The following C1orf198 variants were observed in gnomAD, a reference collection of about 807,000 sequenced individuals.
C1orf198 encodes uncharacterized protein C1orf198.
In C1orf198, 17 loss-of-function variants were observed where a neutral mutation model predicts 31.4. The ratio of observed to expected loss-of-function variants is 0.54; its 90% CI spans 0.37 to 0.81. C1orf198 has a LOEUF of 0.81. Ranked by LOEUF, C1orf198 falls within the 40% of genes least tolerant of loss-of-function variation. C1orf198 has a pLI of 0.00. For missense variants in C1orf198, 401 were observed against 450.3 expected (o/e 0.89, Z 0.99); for synonymous variants, 175 against 193.8 (o/e 0.90, Z 0.81).
rs571623983 is a variant in C1orf198 at position 230,843,473 on chromosome 1, C to T, written c.808G>A (p.Ala270Thr). The T allele has an allele frequency of 7.9e-5, 127 of 1,610,860 alleles. 1 individual carries two copies. Among genetic ancestry groups the T allele is most frequent in the Middle Eastern group, 5.0e-4 (3 of 6,058 alleles). The change falls in exon 3 of 4, where the codon GCC (alanine) becomes ACC (threonine). Residue 270 changes from alanine (A) to threonine (T), a missense_variant. By Grantham distance (58) the Ala-to-Thr change is moderately conservative (BLOSUM62 0). Transcript: ENST00000366663. The surrounding 1 kb of genome is among the most constrained non-coding windows in gnomAD (Gnocchi z 4.9). Reference sequence around the variant, plus strand: ...GCCTCGTGCAGTGCACTGCTGAAGGCCTGGACAGGCTGGGGTCTCTCACGT... The same window carrying T: ...GCCTCGTGCAGTGCACTGCTGAAGGTCTGGACAGGCTGGGGTCTCTCACGT... ...TERERPQPVQ[A>T]FSSALHEAAP...
At chr1:230,859,362 C>G (rs971955289) in intron 1 of C1orf198, among the ~76,000 whole-genome samples, 1 of 152,116 alleles carries the variant, frequency 6.6e-6, no homozygotes, top group African/African-American at 2.4e-5. Context: ...TCCCACCCCC[C>G]TCTCTGGCGC....
chr1:230,854,770 T>C (rs1485573754), intron 2 of C1orf198, among the ~76,000 whole-genome samples: 2 of 152,184 alleles, frequency 1.3e-5, no homozygotes, highest in African/African-American at 4.8e-5. Context: ...CTCAGGGTCC[T>C]TCATGAACCA....
At chr1:230,848,347 A>G (rs1669646499) in intron 2 of C1orf198, among the ~76,000 whole-genome samples, 1 of 152,234 alleles carries the variant, frequency 6.6e-6, no homozygotes, top group Non-Finnish European at 1.5e-5. Context: ...TTAACAAAAC[A>G]GCCCTGATGA....
Position 230,843,487 on chromosome 1 carries a change from G to T in C1orf198, c.794C>A (p.Pro265His). Residue 265 changes from proline (P) to histidine (H), a missense_variant, in exon 3 of 4, where the codon CCC becomes CAC. By Grantham distance (77) the Pro-to-His change is moderately conservative. Transcript: ENST00000366663. The surrounding 1 kb of genome is among the most constrained non-coding windows in gnomAD (Gnocchi z 4.9). ...ACTGCTGAAGGCCTGGACAGGCTGG[G>T]GTCTCTCACGTTCGGTGCTCACGTT... ...LPNVSTERERPQPVQAFSSAL... is the reference protein window; with the variant it reads ...LPNVSTERERHQPVQAFSSAL... The T allele has an allele frequency of 6.2e-7, 1 of 1,612,346 alleles. No individual in the cohort carries two copies. The highest frequency in any genetic ancestry group is 8.5e-7 in the Non-Finnish European group (1 of 1,179,214).
rs1398243769 is a variant in C1orf198 at position 230,843,240 on chromosome 1, G to GAGGA, written c.927+113_927+114insTCCT. ...TCCTCTGAGGAAGAGGCAGGGGAAG[G>GAGGA]AGAAGAAAAAGAGCATGGGCACCTG... On this transcript the variant is annotated intron_variant, in intron 3 of 3. Transcript: ENST00000366663. This position sits in a 1 kb window ranked among gnomAD's most constrained non-coding sequence, Gnocchi z 4.9. 11 of 1,242,894 alleles carry GAGGA rather than the reference G, an allele frequency of 8.9e-6. No homozygotes were observed. The African/African-American group carries it at 1.7e-4, about 19-fold the overall frequency. 77.0% of individuals were successfully genotyped at this position (1,242,894 alleles called of 1,614,324 possible). A position where few individuals can be genotyped will look rare whatever the true frequency, so the allele number is the denominator to read the frequency against.
chr1:230,868,268 G>A lies in C1orf198; in HGVS notation c.245C>T (p.Pro82Leu), dbSNP rs1670167422. The A allele has an allele frequency of 1.9e-6, 3 of 1,580,904 alleles. No individual in the cohort carries two copies. Among genetic ancestry groups the A allele is most frequent in the Non-Finnish European group, 1.7e-6 (2 of 1,165,798 alleles). Residue 82 changes from proline (P) to leucine (L), a missense_variant, in exon 1 of 4, where the codon CCC (proline) becomes CTC (leucine). By Grantham distance (98) the Pro-to-Leu change is moderately conservative (BLOSUM62 -3). Coordinates refer to ENST00000366663, the MANE Select transcript of C1orf198 (RefSeq NM_032800.3). ...RCLVGPRAPA[P>L]RDPGDSEELT... ...CTCCTCCGAGTCCCCGGGGTCTCGG[G>A]GCGCCGGGGCGCGCGGCCCCACCAG...
rs1669330919 is a variant in C1orf198 at position 230,837,423 on chromosome 1, A to G, written c.*2429T>C. ...TAAAAATGAAGACACTGAATCCTTG[A>G]GCTGAATCCCAGGTGCAGAGACTGG... On this transcript the variant is annotated 3_prime_UTR_variant, in exon 4 of 4. Transcript: ENST00000366663. The G allele has an allele frequency of 6.6e-6, 1 of 152,200 alleles. No homozygotes were observed. The highest frequency in any genetic ancestry group is 2.4e-5 in the African/African-American group (1 of 41,440). The allele number at this position is 152,200 out of a possible 1,614,324, so 9.4% of individuals were successfully genotyped here.
In C1orf198 at chr1:230,838,425, G is replaced by A. The variant is rs1361900975; in HGVS notation, c.*1427C>T. 6.6e-6 allele frequency: 1 copy of A among 152,452 alleles called. No individual in the cohort carries two copies. The highest frequency in any genetic ancestry group is 1.5e-5 in the Non-Finnish European group (1 of 68,030). The allele number at this position is 152,452 out of a possible 1,614,324, so 9.4% of individuals were successfully genotyped here. On this transcript the variant is annotated 3_prime_UTR_variant, in exon 4 of 4. Coordinates refer to ENST00000366663, the MANE Select transcript of C1orf198 (RefSeq NM_032800.3). The surrounding 1 kb of genome is among the most constrained non-coding windows in gnomAD (Gnocchi z 4.2). ...GCAGAAACTTTCCTGGAGATGATGA[G>A]GGGTTGAGGTGAGTTGCTATGTGCT...
intron 1 of C1orf198, among the ~76,000 whole-genome samples, chr1:230,864,280 A>C (rs1670063807): frequency 6.6e-6 from 1 of 152,210 alleles, no homozygotes; most frequent in Non-Finnish European, 1.5e-5. Context: ...GGTTTGCAGA[A>C]AGGTCTTTTG....
intron 1 of C1orf198, among the ~76,000 whole-genome samples, chr1:230,858,837 C>T (rs1669938907): frequency 6.6e-6 from 1 of 152,200 alleles, no homozygotes. Context: ...CAATACAACA[C>T]TCTGAGGAAC....
At chr1:230,852,432 G>T (rs1669770386) in intron 2 of C1orf198, among the ~76,000 whole-genome samples, 1 of 152,222 alleles carries the variant, frequency 6.6e-6, no homozygotes, top group African/African-American at 2.4e-5. Flanking sequence ...AATGGGAACA[G>T]AGTTTCAGTC....
chr1:230,843,699 A>G lies in C1orf198; in HGVS notation c.582T>C (p.Asn194=), dbSNP rs1359029101. The change falls in exon 3 of 4, where the codon AAT becomes AAC. Residue 194 remains asparagine, a synonymous_variant. Coordinates refer to ENST00000366663, the MANE Select transcript of C1orf198 (RefSeq NM_032800.3). The surrounding 1 kb of genome is among the most constrained non-coding windows in gnomAD (Gnocchi z 4.9). ...KEEEASFWKI[N]AERSRGEGPE... ...GCCCCTCCCCTCGGGACCGCTCAGC[A>G]TTGATCTTCCAGAATGACGCTTCCT... The G allele has an allele frequency of 6.2e-7, 1 of 1,614,042 alleles. No individual in the cohort carries two copies. The highest frequency in any genetic ancestry group is 8.5e-7 in the Non-Finnish European group (1 of 1,180,034).
rs1218239680 is a variant in C1orf198 at position 230,839,347 on chromosome 1, C to T, written c.*505G>A. ...CAGAGAAGCCCCGGACAGCTGCGAG[C>T]GCTGGCTGAGAACGTCGCTGGGGGC... On this transcript the variant is annotated 3_prime_UTR_variant, in exon 4 of 4. Transcript: ENST00000366663. 2.5e-5 allele frequency: 4 copies of T among 162,940 alleles called. No homozygotes were observed. The highest frequency in any genetic ancestry group is 2.6e-5 in the Non-Finnish European group (2 of 76,280). The allele number at this position is 162,940 out of a possible 1,614,324, so 10.1% of individuals were successfully genotyped here.
In C1orf198 at chr1:230,843,790, G is replaced by A; in HGVS notation, c.491C>T (p.Ala164Val). The change falls in exon 3 of 4, where the codon GCC becomes GTC. Residue 164 changes from alanine (A) to valine (V), a missense_variant. Ala to Val is a moderately conservative substitution (Grantham distance 64). Transcript: ENST00000366663. This position sits in a 1 kb window ranked among gnomAD's most constrained non-coding sequence, Gnocchi z 4.9. The stretch of plus-strand genomic sequence containing the variant: ...CCTGCTGCCTTGGGAGGACTTGAGG[G>A]CCTGGGAGCCCTGGGAAGCTTTGGA... The part of the protein sequence containing the change: ...PLSKASQGSQ[A>V]LKSSQGSRSS... 6.2e-7 allele frequency: 1 copy of A among 1,607,920 alleles called. No individual in the cohort carries two copies. The highest frequency in any genetic ancestry group is 8.5e-7 in the Non-Finnish European group (1 of 1,176,582).
chr1:230,841,169 G>A (rs1476751847), intron 3 of C1orf198, among the ~76,000 whole-genome samples: 1 of 152,218 alleles, frequency 6.6e-6, no homozygotes, highest in Non-Finnish European at 1.5e-5. Flanking sequence ...ATGGGCAGGA[G>A]GATGTGAGAC....
intron 1 of C1orf198, among the ~76,000 whole-genome samples, chr1:230,858,369 A>C (rs1490253711): frequency 6.6e-6 from 1 of 152,222 alleles, no homozygotes; most frequent in Non-Finnish European, 1.5e-5. Flanking sequence ...CTAGTTAATC[A>C]TTCATTAACT....
chr1:230,848,106 C>A (rs1669641939), intron 2 of C1orf198, among the ~76,000 whole-genome samples: 1 of 152,160 alleles, frequency 6.6e-6, no homozygotes, highest in South Asian at 2.1e-4. Flanking sequence ...TCACTCCCAG[C>A]CCTGCTTGGG....
intron 1 of C1orf198, among the ~76,000 whole-genome samples, chr1:230,863,910 T>A (rs971773554): frequency 6.6e-6 from 1 of 152,240 alleles, no homozygotes; most frequent in Non-Finnish European, 1.5e-5. Context: ...CCTTAAAAAA[T>A]GAGTCCAAAA....
intron 1 of C1orf198, among the ~76,000 whole-genome samples, chr1:230,859,139 C>G (rs988524571): frequency 3.3e-5 from 5 of 152,320 alleles, no homozygotes; most frequent in South Asian, 2.1e-4. Context: ...ACTGCACGCT[C>G]TAGCCACAAA....
Sources: allele counts gnomAD v4.1 joint callset (sites outside exome capture counted in the v4.1 genomes callset), GRCh38; gene constraint gnomAD v4.1.1; non-coding constraint Gnocchi (gnomAD v3.1); transcripts MANE v1.5; gene names NCBI Gene and HGNC (gene_info 2026-07-23, HGNC 2026-07-21).